MLYCD: variants seen among roughly 807,000 people sequenced by gnomAD.
The protein encoded by MLYCD is malonyl-CoA decarboxylase, mitochondrial.
A neutral mutation model predicts 35.8 loss-of-function variants in MLYCD; 27 were observed. That is an observed-to-expected ratio of 0.75 (90% CI 0.56 to 1.04). The LOEUF is 1.04. Ranked by LOEUF, MLYCD falls within the 50% of genes least tolerant of loss-of-function variation. The pLI is 0.00. For missense variants in MLYCD, 917 were observed against 665.1 expected, an observed-to-expected ratio of 1.38 and a Z score of -4.17; for synonymous variants, 403 against 302.4, an observed-to-expected ratio of 1.33 and a Z score of -3.45.
chr16:83,915,152 G>T lies in MLYCD; in HGVS notation c.1145G>T (p.Ser382Ile). The T allele has an allele frequency of 4.3e-6, 7 of 1,614,234 alleles. No homozygotes were observed. The highest frequency in any genetic ancestry group is 5.1e-6 in the Non-Finnish European group (6 of 1,180,028). ...ACCCTCAAGCTCCTCCTCAGCAGCA[G>T]CGAGTGGGTGCAGTCGGAGAAGCTG... ...NETLKLLLSS[S>I]EWVQSEKLVR... Residue 382 changes from serine to isoleucine, a missense_variant, in exon 5 of 5, where the codon AGC (serine) becomes ATC (isoleucine). Physicochemically the swap from Ser to Ile is moderately radical, Grantham distance 142 (BLOSUM62 -2). Transcript: ENST00000262430.
intron 1 of MLYCD, 98 bp from the exon 2 acceptor site, chr16:83,906,889 C>G: frequency 2.0e-6 from 2 of 985,426 alleles, no homozygotes; most frequent in South Asian, 1.3e-5. Context: ...TCTTATGTAT[C>G]GTGCTTGAGT....
rs975500366 is a variant in MLYCD, at chr16:83,918,250, C to T, written c.*2761C>T. On this transcript the variant is annotated 3_prime_UTR_variant, in exon 5 of 5. Coordinates refer to ENST00000262430, the MANE Select transcript of MLYCD (RefSeq NM_012213.3). ...ATTCTGGTGAAAGCCAGGTAGGCCTCGCCGCAGGAGAACACATACATGGTG... is the reference window on the plus strand; with the variant it reads ...ATTCTGGTGAAAGCCAGGTAGGCCTTGCCGCAGGAGAACACATACATGGTG... The T allele has an allele frequency of 2.0e-5, 3 of 152,252 alleles. No individual in the cohort carries two copies. Among genetic ancestry groups the T allele is most frequent in the Non-Finnish European group, 2.9e-5 (2 of 68,056 alleles). The allele number at this position is 152,252 out of a possible 1,614,324, so 9.4% of individuals were successfully genotyped here.
chr16:83,908,489 G>C (rs1038222152), intron 3 of MLYCD, among the ~76,000 whole-genome samples: 3 of 152,092 alleles, frequency 2.0e-5, no homozygotes, highest in African/African-American at 7.2e-5. Flanking sequence ...TATGGAGCAA[G>C]GCGAGCATTC....
intron 1 of MLYCD, among the ~76,000 whole-genome samples, chr16:83,901,749 A>G (rs1046093415): frequency 1.3e-5 from 2 of 152,190 alleles, no homozygotes; most frequent in Non-Finnish European, 2.9e-5. Flanking sequence ...GAGAGAAAGG[A>G]GCTGGCCCCT....
chr16:83,899,395 G>T lies in MLYCD; in HGVS notation c.251G>T (p.Arg84Leu). The change falls in exon 1 of 5, where the codon CGG (arginine) becomes CTG (leucine). Residue 84 changes from arginine to leucine, a missense_variant. Coordinates refer to ENST00000262430, the MANE Select transcript of MLYCD (RefSeq NM_012213.3). ...GGTGGGCTGGCCGAGACGGCCCAGC[G>T]GGCCGAACTGCTGGGCCGCCTGGCG... ...FYGGLAETAQ[R>L]AELLGRLARG... The T allele has an allele frequency of 6.5e-7, 1 of 1,528,054 alleles. No homozygotes were observed. The highest frequency in any genetic ancestry group is 8.7e-7 in the Non-Finnish European group (1 of 1,146,724). 94.7% of individuals were successfully genotyped at this position (1,528,054 alleles called of 1,614,324 possible).
intron 1 of MLYCD, 86 bp downstream of exon 1, chr16:83,899,758 A>C: frequency 7.2e-7 from 1 of 1,385,894 alleles, no homozygotes; most frequent in Non-Finnish European, 9.4e-7. Context: ...AGTCCCACAC[A>C]CCCCGCCTTC....
rs1907771667 is a variant in MLYCD at position 83,925,272 on chromosome 16, A to T, written c.*9783A>T. 1 of 152,582 alleles carries T rather than the reference A, an allele frequency of 6.6e-6. No homozygotes were observed. The allele number at this position is 152,582 out of a possible 1,614,324, so 9.5% of individuals were successfully genotyped here. A position where few individuals can be genotyped will look rare whatever the true frequency, so the allele number is the denominator to read the frequency against. Reference sequence around the variant, plus strand: ...CTCCCTCCAAAACCTGGCCTCCTCCAGCTGTTCCTTCCTGGCGAGGCCACC... The same window carrying T: ...CTCCCTCCAAAACCTGGCCTCCTCCTGCTGTTCCTTCCTGGCGAGGCCACC... On this transcript the variant is annotated 3_prime_UTR_variant, in exon 5 of 5. Coordinates refer to ENST00000262430, the MANE Select transcript of MLYCD (RefSeq NM_012213.3).
chr16:83,910,047 C>T (rs970519668), intron 3 of MLYCD, among the ~76,000 whole-genome samples: 6 of 152,114 alleles, frequency 3.9e-5, no homozygotes, highest in African/African-American at 1.4e-4. Context: ...CGCATCCTGA[C>T]TCTAAGGGCA....
In MLYCD at chr16:83,912,265, A is replaced by C; in HGVS notation, c.846A>C (p.Lys282Asn). Residue 282 changes from lysine to asparagine, a missense_variant, in exon 4 of 5, where the codon AAA becomes AAC. By Grantham distance (94) the Lys-to-Asn change is moderately conservative. Transcript: ENST00000262430. ...CATCAGAAACAGAAGAGAAGAACAA[A>C]ATCACTGCTGCGATCTTTTATTCCA... Reference protein sequence around the residue: ...HPPSETEEKNKITAAIFYSIS... With the variant: ...HPPSETEEKNNITAAIFYSIS... 1.9e-6 allele frequency: 3 copies of C among 1,614,224 alleles called. No homozygotes were observed. Among genetic ancestry groups the C allele is most frequent in the Non-Finnish European group, 2.5e-6 (3 of 1,180,040 alleles).
Position 83,917,432 on chromosome 16 carries a change from C to T in MLYCD, c.*1943C>T, listed in dbSNP as rs1191284074. 2 of 154,700 alleles carry T rather than the reference C, an allele frequency of 1.3e-5. No individual in the cohort carries two copies. Among genetic ancestry groups the T allele is most frequent in the African/African-American group, 2.4e-5 (1 of 41,558 alleles). The allele number at this position is 154,700 out of a possible 1,614,324, so 9.6% of individuals were successfully genotyped here. A position where few individuals can be genotyped will look rare whatever the true frequency, so the allele number is the denominator to read the frequency against. The stretch of plus-strand genomic sequence containing the variant: ...TTGTGTGTCTGTGTGCGTGTGTCCG[C>T]AGTTGCCCTGTCCTCGCTGTCCTCG... On this transcript the variant is annotated 3_prime_UTR_variant, in exon 5 of 5. Transcript: ENST00000262430.
intron 4 of MLYCD, chr16:83,913,363 A>G (rs1907249763): frequency 6.6e-6 from 1 of 152,374 alleles, no homozygotes; most frequent in African/African-American, 2.4e-5. Flanking sequence ...AGGGTAAGGA[A>G]GGCAGGAAGA....
chr16:83,906,366 G>C (rs559199076), intron 1 of MLYCD, among the ~76,000 whole-genome samples: 1 of 152,284 alleles, frequency 6.6e-6, no homozygotes, highest in South Asian at 2.1e-4. Context: ...ACTCCAGCCT[G>C]GGTGACCGAG....
chr16:83,906,884 T>C (rs1597290277), intron 1 of MLYCD, 103 bp from the exon 2 acceptor site: 1 of 947,144 alleles, frequency 1.1e-6, no homozygotes, highest in East Asian at 2.4e-5. Context: ...AATTGTCTTA[T>C]GTATCGTGCT....
At position 83,916,235 on chromosome 16, in the gene MLYCD, G is replaced by A. The variant is rs1297952392; in HGVS notation, c.*746G>A. 8.1e-6 allele frequency: 8 copies of A among 986,382 alleles called. No individual in the cohort carries two copies. Among genetic ancestry groups the A allele is most frequent in the Non-Finnish European group, 9.7e-6 (8 of 829,012 alleles). The allele number at this position is 986,382 out of a possible 1,614,324, so 61.1% of individuals were successfully genotyped here. On this transcript the variant is annotated 3_prime_UTR_variant, in exon 5 of 5. Coordinates refer to ENST00000262430, the MANE Select transcript of MLYCD (RefSeq NM_012213.3). ...TTAAGATTAGAGACCTGGGAAGGCT[G>A]GAATCAGCCAGCCAGCCTACGGGGA...
In MLYCD at chr16:83,915,433, G is replaced by A; in HGVS notation, c.1426G>A (p.Ala476Thr). Residue 476 changes from alanine to threonine, a missense_variant, in exon 5 of 5, where the codon GCC (alanine) becomes ACC (threonine). By Grantham distance (58) the Ala-to-Thr change is moderately conservative. Transcript: ENST00000262430. The stretch of plus-strand genomic sequence containing the variant: ...CTACCTCGGCTCCAAGATCATCAAA[G>A]CCTCTGAGCAGGTCCTCAGCCTAGT... ...TSYLGSKIIK[A>T]SEQVLSLVAQ... The A allele has an allele frequency of 2.5e-6, 4 of 1,613,634 alleles. No individual in the cohort carries two copies. The highest frequency in any genetic ancestry group is 1.1e-5 in the South Asian group (1 of 91,088).
chr16:83,899,564 CT>C lies in MLYCD; in HGVS notation c.422del (p.Phe141SerfsTer38). The C allele has an allele frequency of 2.5e-6, 4 of 1,593,450 alleles. No homozygotes were observed. Among genetic ancestry groups the C allele is most frequent in the Non-Finnish European group, 3.4e-6 (4 of 1,177,800 alleles). ...CGCTGGTGCCGCGCTATCGCGGCCT[CT>C]TCCACCACATCAGCAAGCTGGACGG... ...YALVPRYRGL[F>X]HHISKLDGGV... On this transcript the variant is annotated frameshift_variant, in exon 1 of 5. Coordinates refer to ENST00000262430, the MANE Select transcript of MLYCD (RefSeq NM_012213.3). LOFTEE classifies it high-confidence loss of function.
intron 1 of MLYCD, among the ~76,000 whole-genome samples, chr16:83,903,386 C>T (rs13329878): frequency 0.22 from 32,707 of 152,112 alleles, 4,402 homozygotes; most frequent in African/African-American, 0.38. Context: ...ATACCCATAG[C>T]ATCAAGTGTA....
intron 3 of MLYCD, 26 bp from the exon 4 acceptor site, chr16:83,912,192 T>A (rs199735104): frequency 5.0e-6 from 8 of 1,614,076 alleles, no homozygotes; most frequent in African/African-American, 1.3e-5. Flanking sequence ...CAGGCCACCC[T>A]TAGAACCATC....
chr16:83,915,545 A>G lies in MLYCD; in HGVS notation c.*56A>G. The G allele has an allele frequency of 6.3e-7, 1 of 1,589,844 alleles. No individual in the cohort carries two copies. Among genetic ancestry groups the G allele is most frequent in the Non-Finnish European group, 8.5e-7 (1 of 1,175,538 alleles). ...GGCTAAGAAAACGATCATTTTCAGG[A>G]GGGGCCGGGAGTTATGTATCTGAAG... On this transcript the variant is annotated 3_prime_UTR_variant, in exon 5 of 5. Coordinates refer to ENST00000262430, the MANE Select transcript of MLYCD (RefSeq NM_012213.3).
Sources: allele counts gnomAD v4.1 joint callset (sites outside exome capture counted in the v4.1 genomes callset), GRCh38; gene constraint gnomAD v4.1.1; transcripts MANE v1.5; gene names NCBI Gene and HGNC (gene_info 2026-07-23, HGNC 2026-07-21).